CCDC7: variants seen among roughly 807,000 people sequenced by gnomAD.
CCDC7 encodes coiled-coil domain containing 7.
In CCDC7, 183 loss-of-function variants were observed where a neutral mutation model predicts 196.9. That is an observed-to-expected ratio of 0.93 (90% CI 0.82 to 1.05). CCDC7 has a LOEUF of 1.05. CCDC7 is among the 50% of genes least tolerant of loss of function. The pLI is 0.00. For missense variants in CCDC7, 1,540 were observed against 1,482.2 expected (o/e 1.04, Z -0.64); for synonymous variants, 525 against 484.6 (o/e 1.08, Z -1.10).
chr10:32,718,542 A>G (rs762498470), intron 25 of CCDC7, among the ~76,000 whole-genome samples: 15 of 152,066 alleles, frequency 9.9e-5, no homozygotes, highest in Admixed American at 2.6e-4. Context: ...GGAAGAGAAA[A>G]AAATAAAAGA....
rs544354863 is a variant in CCDC7 at position 32,738,760 on chromosome 10, C to T, written c.2905+9303C>T. ...AAATGCTGGGACTACAGGCAAGAGCCACCATTCCTGGAGTTTTTTACTTTT... is the reference window on the plus strand; with the variant it reads ...AAATGCTGGGACTACAGGCAAGAGCTACCATTCCTGGAGTTTTTTACTTTT... On this transcript the variant is annotated intron_variant, in intron 28 of 41. Coordinates refer to ENST00000639629, the Ensembl canonical transcript of CCDC7. Among the ~76,000 whole-genome samples, 64 of 152,160 alleles carry T rather than the reference C, an allele frequency of 4.2e-4. No individual in the cohort carries two copies. In the South Asian group the frequency reaches 0.013, roughly 30 times the overall value.
chr10:32,670,073 G>A (rs973101162), intron 21 of CCDC7, among the ~76,000 whole-genome samples: 2 of 152,062 alleles, frequency 1.3e-5, no homozygotes, highest in Admixed American at 6.6e-5. Flanking sequence ...TTCTGGGGTC[G>A]GGACATGTCC....
intron 13 of CCDC7, among the ~76,000 whole-genome samples, chr10:32,555,199 G>C (rs1348807051): frequency 6.6e-6 from 1 of 151,104 alleles, no homozygotes; most frequent in Non-Finnish European, 1.5e-5. Flanking sequence ...TCCTTTTTTT[G>C]TACATACCTA....
intron 23 of CCDC7, among the ~76,000 whole-genome samples, chr10:32,689,795 C>A (rs1195904649): frequency 6.6e-6 from 1 of 151,790 alleles, no homozygotes; most frequent in African/African-American, 2.4e-5. Context: ...AGTGCAGTGG[C>A]CCGATCTTGG....
At chr10:32,846,408 G>A in exon 37 of CCDC7, 1 of 1,593,542 alleles carries the variant, frequency 6.3e-7, no homozygotes. Flanking sequence ...AGATGCTATT[G>A]GAAGAGATAT....
At chr10:32,792,533 G>T (rs1212149183) in intron 29 of CCDC7, among the ~76,000 whole-genome samples, 1 of 152,202 alleles carries the variant, frequency 6.6e-6, no homozygotes, top group East Asian at 1.9e-4. Context: ...GGGCATGGTG[G>T]CTCATGCCTG....
At chr10:32,725,545 A>C (rs1166683809) in intron 25 of CCDC7, among the ~76,000 whole-genome samples, 1 of 152,068 alleles carries the variant, frequency 6.6e-6, no homozygotes, top group African/African-American at 2.4e-5. Context: ...ATTGCTGTGA[A>C]GGAATACCTG....
chr10:32,870,427 G>A (rs1226205986), intron 41 of CCDC7, among the ~76,000 whole-genome samples: 1 of 152,118 alleles, frequency 6.6e-6, no homozygotes, highest in Non-Finnish European at 1.5e-5. Context: ...GAATGCTTAT[G>A]ATTTTTGCAC....
intron 20 of CCDC7, among the ~76,000 whole-genome samples, chr10:32,660,162 A>G (rs1591258987): frequency 6.7e-6 from 1 of 148,172 alleles, no homozygotes; most frequent in African/African-American, 2.5e-5. Flanking sequence ...TTTAGGGTAC[A>G]TGTGCACATT....
intron 21 of CCDC7, among the ~76,000 whole-genome samples, chr10:32,667,746 G>A (rs1052881925): frequency 6.6e-6 from 1 of 152,182 alleles, no homozygotes; most frequent in Non-Finnish European, 1.5e-5. Flanking sequence ...TTTGGTACCA[G>A]CACCATGCTC....
intron 28 of CCDC7, among the ~76,000 whole-genome samples, chr10:32,749,749 T>C (rs1267671083): frequency 6.6e-6 from 1 of 152,202 alleles, no homozygotes; most frequent in Non-Finnish European, 1.5e-5. Context: ...TGAGAGCAAG[T>C]ATTCTTTTTA....
intron 15 of CCDC7, among the ~76,000 whole-genome samples, chr10:32,569,648 G>A (rs191543456): frequency 5.3e-5 from 8 of 151,968 alleles, no homozygotes; most frequent in Admixed American, 2.0e-4. Flanking sequence ...GGCTGGTCTC[G>A]AACTCGTGAC....
intron 13 of CCDC7, among the ~76,000 whole-genome samples, chr10:32,557,884 T>C (rs2151366): frequency 0.83 from 126,783 of 152,056 alleles, 53,473 homozygotes; most frequent in Non-Finnish European, 0.9. Flanking sequence ...ATAGACATAG[T>C]GTCTTGCTAT....
Position 32,491,847 on chromosome 10 carries a change from C to T in CCDC7, c.797-75C>T, listed in dbSNP as rs1589141929. ...GTTTGTTTAGCTTTCACATCTATAGCAGTTATATTTAGCATAGAGCTATAA... is the reference window on the plus strand; with the variant it reads ...GTTTGTTTAGCTTTCACATCTATAGTAGTTATATTTAGCATAGAGCTATAA... On this transcript the variant is annotated intron_variant, in intron 8 of 41. Coordinates refer to ENST00000639629, the Ensembl canonical transcript of CCDC7. 4 of 1,347,200 alleles carry T rather than the reference C, an allele frequency of 3.0e-6. No homozygotes were observed. In the South Asian group the frequency reaches 5.1e-5, roughly 17 times the overall value. The allele number at this position is 1,347,200 out of a possible 1,614,324, so 83.5% of individuals were successfully genotyped here.
chr10:32,631,296 A>T (rs1489167672), intron 18 of CCDC7, among the ~76,000 whole-genome samples: 2 of 152,166 alleles, frequency 1.3e-5, no homozygotes, highest in Non-Finnish European at 2.9e-5. Context: ...TTAACTCTTA[A>T]TATTTAGGTC....
intron 24 of CCDC7, among the ~76,000 whole-genome samples, chr10:32,710,042 A>G (rs995086996): frequency 6.6e-6 from 1 of 152,190 alleles, no homozygotes; most frequent in East Asian, 1.9e-4. Flanking sequence ...AACCCAGTTG[A>G]AAAAGAAGGG....
At chr10:32,642,344 C>G (rs982358748) in intron 20 of CCDC7, among the ~76,000 whole-genome samples, 18 of 152,330 alleles carry the variant, frequency 1.2e-4, no homozygotes, top group African/African-American at 3.8e-4. Flanking sequence ...CAAGCCTTGG[C>G]AATGGCGGGC....
intron 24 of CCDC7, among the ~76,000 whole-genome samples, chr10:32,699,169 A>T (rs1025269491): frequency 6.6e-6 from 1 of 151,226 alleles, no homozygotes; most frequent in Admixed American, 6.6e-5. Flanking sequence ...TCATCATTTA[A>T]CATTAGGTAT....
chr10:32,555,181 T>C (rs1425309104), intron 13 of CCDC7, among the ~76,000 whole-genome samples: 4 of 152,222 alleles, frequency 2.6e-5, no homozygotes, highest in Non-Finnish European at 5.9e-5. Flanking sequence ...CTTTTTAATA[T>C]ACTGATTTCC....
Sources: gnomAD v4.1 joint callset for allele counts (sites outside exome capture counted in the v4.1 genomes callset) on GRCh38, gnomAD v4.1.1 for gene constraint, MANE v1.5 for transcripts, NCBI Gene and HGNC (gene_info 2026-07-23, HGNC 2026-07-21) for gene names.